The following ANAPC10 variants were observed in gnomAD, a reference collection of about 807,000 sequenced individuals.
ANAPC10 encodes the protein anaphase-promoting complex subunit 10.
ANAPC10 carries 12 observed loss-of-function variants against 22.0 expected under a neutral mutation model. That is an observed-to-expected ratio of 0.55 (90% CI 0.35 to 0.88). The LOEUF (loss-of-function observed/expected upper bound fraction) is 0.88, where lower values mean the gene tolerates loss of function less well. Among genes scored for constraint, ANAPC10 ranks in the 40% least tolerant of loss-of-function variants. The pLI is 0.01. For synonymous variants in ANAPC10, 65 were observed against 69.5 expected (o/e 0.94, Z 0.32); for missense variants, 188 against 220.9 (o/e 0.85, Z 0.94).
At chr4:145,064,493 A>T in intron 4 of ANAPC10, 79 bp downstream of exon 4, 2 of 1,181,206 alleles carry the variant, frequency 1.7e-6, no homozygotes, top group Non-Finnish European at 2.3e-6. Context: ...TAACCTGTCT[A>T]ATGTAATGTC....
At chr4:145,022,631 T>A (rs1736115546) in intron 4 of ANAPC10, among the ~76,000 whole-genome samples, 1 of 151,920 alleles carries the variant, frequency 6.6e-6, no homozygotes, top group Non-Finnish European at 1.5e-5. Flanking sequence ...AAACATCACC[T>A]GTACTCCAAT....
intron 4 of ANAPC10, among the ~76,000 whole-genome samples, chr4:145,016,346 A>G (rs1735135284): frequency 6.6e-6 from 1 of 152,228 alleles, no homozygotes; most frequent in Non-Finnish European, 1.5e-5. Flanking sequence ...AGAGAGCCAA[A>G]TCATGAGTGA....
intron 4 of ANAPC10, among the ~76,000 whole-genome samples, chr4:145,047,089 C>A (rs1740422783): frequency 6.6e-6 from 1 of 152,054 alleles, no homozygotes; most frequent in Non-Finnish European, 1.5e-5. Context: ...ACAAGACAGG[C>A]ATTGTAATTT....
At chr4:145,073,360 C>A (rs536521161) in intron 3 of ANAPC10, among the ~76,000 whole-genome samples, 1 of 152,154 alleles carries the variant, frequency 6.6e-6, no homozygotes, top group Admixed American at 6.5e-5. Context: ...CTGTTGTTCA[C>A]CTGTTACCTG....
chr4:145,057,392 T>C (rs922861097), intron 4 of ANAPC10, among the ~76,000 whole-genome samples: 1 of 152,206 alleles, frequency 6.6e-6, no homozygotes, highest in Non-Finnish European at 1.5e-5. Flanking sequence ...TATGACTTCA[T>C]ATGAGAATAT....
intron 2 of ANAPC10, among the ~76,000 whole-genome samples, chr4:145,089,921 C>G (rs1340196928): frequency 6.6e-6 from 1 of 152,118 alleles, no homozygotes; most frequent in African/African-American, 2.4e-5. Context: ...TGTTACTTAC[C>G]TTTTCAACTG....
intron 2 of ANAPC10, among the ~76,000 whole-genome samples, chr4:145,091,963 G>A (rs899089317): frequency 6.6e-6 from 1 of 152,076 alleles, no homozygotes. Context: ...CCAGGCACAT[G>A]CAGCCTACCT....
intron 4 of ANAPC10, 94 bp downstream of exon 4, chr4:145,064,478 C>A: frequency 2.0e-6 from 2 of 989,016 alleles, no homozygotes; most frequent in Non-Finnish European, 2.8e-6. Flanking sequence ...TATATATTAA[C>A]ATTTTAACCT....
At chr4:145,068,453 A>G (rs922093107) in intron 3 of ANAPC10, among the ~76,000 whole-genome samples, 15 of 152,274 alleles carry the variant, frequency 9.9e-5, no homozygotes, top group Non-Finnish European at 1.8e-4. Flanking sequence ...CTAAATGTAA[A>G]AAACAAAATA....
At chr4:145,091,039 A>G (rs1019314632) in intron 2 of ANAPC10, among the ~76,000 whole-genome samples, 2 of 152,242 alleles carry the variant, frequency 1.3e-5, no homozygotes, top group African/African-American at 4.8e-5. Flanking sequence ...GTAAAATGCT[A>G]ATCATATAAT....
chr4:145,021,584 C>A (rs1321394562), intron 4 of ANAPC10, among the ~76,000 whole-genome samples: 1 of 152,038 alleles, frequency 6.6e-6, no homozygotes, highest in Admixed American at 6.6e-5. Context: ...AGAAGATTAA[C>A]GTTGGAAAAA....
At chr4:144,997,036 G>GA (rs1480513219) in intron 4 of ANAPC10, among the ~76,000 whole-genome samples, 7 of 151,994 alleles carry the variant, frequency 4.6e-5, no homozygotes, top group African/African-American at 9.7e-5. Flanking sequence ...GAAGGTTAGA[G>GA]AAAAAAGAGT....
chr4:145,093,863 T>C (rs576197278), intron 2 of ANAPC10, among the ~76,000 whole-genome samples: 16 of 152,332 alleles, frequency 1.1e-4, no homozygotes, highest in African/African-American at 3.4e-4. Context: ...CTAGCATATG[T>C]ATAATTGGAT....
intron 4 of ANAPC10, among the ~76,000 whole-genome samples, chr4:145,046,753 C>G (rs925540324): frequency 2.0e-5 from 3 of 151,912 alleles, no homozygotes; most frequent in African/African-American, 7.3e-5. Context: ...CCAGTTGCAA[C>G]AGAGAAAACA....
chr4:145,097,674 T>A, intron 1 of ANAPC10: 1 of 480,076 alleles, frequency 2.1e-6, no homozygotes, highest in Non-Finnish European at 3.7e-6. Flanking sequence ...AGTTATGAAC[T>A]AGTTGTCACT....
At chr4:145,026,931 ATATATATATATATATGTGTGTGTGTG>A (rs1385755269) in intron 4 of ANAPC10, among the ~76,000 whole-genome samples, 1 of 20,690 alleles carries the variant, frequency 4.8e-5, no homozygotes, top group Non-Finnish European at 1.0e-4. Context: ...ATATATATAT[ATATATATATATATATGTGTGTGTGTG>A]TATATATATA....
intron 4 of ANAPC10, among the ~76,000 whole-genome samples, chr4:144,996,458 C>G (rs1272964711): frequency 6.6e-6 from 1 of 152,138 alleles, no homozygotes; most frequent in African/African-American, 2.4e-5. Context: ...TTGGCGCTCC[C>G]ATGCACCCCT....
At chr4:145,055,097 C>T (rs1741850129) in intron 4 of ANAPC10, among the ~76,000 whole-genome samples, 1 of 151,728 alleles carries the variant, frequency 6.6e-6, no homozygotes, top group Admixed American at 6.6e-5. Flanking sequence ...GCATATATAC[C>T]CAAAAGAGCT....
At chr4:145,072,654 G>A (rs1386950580) in intron 3 of ANAPC10, among the ~76,000 whole-genome samples, 2 of 152,024 alleles carry the variant, frequency 1.3e-5, no homozygotes, top group East Asian at 3.9e-4. Flanking sequence ...ACCCAATAGA[G>A]GTAGGAAAGT....
Sources: allele counts gnomAD v4.1 joint callset (sites outside exome capture counted in the v4.1 genomes callset), GRCh38; gene constraint gnomAD v4.1.1; transcripts MANE v1.5; gene names NCBI Gene and HGNC (gene_info 2026-07-23, HGNC 2026-07-21).